Variants in RASEF observed in about 807,000 individuals in gnomAD.
RASEF encodes the protein RAS and EF-hand domain containing.
A neutral mutation model predicts 90.1 loss-of-function variants in RASEF; 68 were observed. That is an observed-to-expected ratio of 0.75 (90% CI 0.62 to 0.92). The LOEUF is 0.92. Among genes scored for constraint, RASEF ranks in the 40% least tolerant of loss-of-function variants. The pLI is 0.00. For missense variants in RASEF, 949 were observed against 937.2 expected, an observed-to-expected ratio of 1.01 and a Z score of -0.16; for synonymous variants, 331 against 345.2, an observed-to-expected ratio of 0.96 and a Z score of 0.46.
In RASEF at chr9:83,004,479, T is replaced by C. The variant is rs1302594521; in HGVS notation, c.1202+19A>G. On this transcript the variant is annotated intron_variant, in intron 9 of 16. Transcript: ENST00000376447. ...TGTGATTCTGAACTTGAACAGAAAGTTAAGACGAGTTAACATACCTGTCAT... is the reference window on the plus strand; with the variant it reads ...TGTGATTCTGAACTTGAACAGAAAGCTAAGACGAGTTAACATACCTGTCAT... The C allele has an allele frequency of 1.4e-6, 2 of 1,471,934 alleles. No homozygotes were observed. Among genetic ancestry groups the C allele is most frequent in the Admixed American group, 1.7e-5 (1 of 59,724 alleles). 91.2% of individuals were successfully genotyped at this position (1,471,934 alleles called of 1,614,324 possible).
At chr9:82,997,158 T>C in intron 13 of RASEF, 32 bp from the exon 14 acceptor site, 1 of 1,322,864 alleles carries the variant, frequency 7.6e-7, no homozygotes, top group Middle Eastern at 1.8e-4. Flanking sequence ...CATCAGTCAG[T>C]TTGTGTTGCC....
At chr9:82,990,609 T>TTCC in intron 15 of RASEF, 142 bp from the exon 16 acceptor site, 1 of 562,724 alleles carries the variant, frequency 1.8e-6, no homozygotes, top group Non-Finnish European at 3.1e-6. Flanking sequence ...GAATTCAGAG[T>TTCC]TCCAGTACTT....
chr9:83,135,257 A>G, the RASEF span, among the ~76,000 whole-genome samples: 1 of 152,142 alleles, frequency 6.6e-6, no homozygotes, highest in African/African-American at 2.4e-5. Flanking sequence ...ACAAAAAACC[A>G]AACACTGCAT....
the RASEF span, among the ~76,000 whole-genome samples, chr9:83,123,997 T>C: frequency 6.6e-6 from 1 of 152,212 alleles, no homozygotes; most frequent in East Asian, 1.9e-4. Flanking sequence ...CTACTTTTTG[T>C]CTTATGAATT....
intron 1 of RASEF, 77 bp downstream of exon 1, chr9:83,062,360 T>C (rs891134230): frequency 2.5e-5 from 36 of 1,455,042 alleles, no homozygotes; most frequent in Non-Finnish European, 3.3e-5. Context: ...CCATTGGGTC[T>C]GCACACCTGC....
chr9:83,038,493 G>A (rs1163780787), intron 1 of RASEF, among the ~76,000 whole-genome samples: 4 of 151,960 alleles, frequency 2.6e-5, no homozygotes, highest in East Asian at 3.9e-4. Context: ...TTAAGAATAC[G>A]ACCACATTGA....
At chr9:83,200,840 C>G in the RASEF span, 119,042 of 152,102 alleles carry the variant, frequency 0.78, 47,418 homozygotes, top group East Asian at 0.96. Flanking sequence ...CTCAGATTAC[C>G]AAGGAAACAA....
intron 15 of RASEF, 34 bp from the exon 16 acceptor site, chr9:82,990,501 C>A (rs1828793046): frequency 6.8e-7 from 1 of 1,463,594 alleles, no homozygotes; most frequent in Non-Finnish European, 9.5e-7. Context: ...TTAAATGAAG[C>A]CCTTCATTGA....
chr9:83,059,011 G>C (rs1458459216), intron 1 of RASEF, among the ~76,000 whole-genome samples: 1 of 152,086 alleles, frequency 6.6e-6, no homozygotes, highest in African/African-American at 2.4e-5. Context: ...ACCTGAGGCT[G>C]TCCCTCCTTT....
At chr9:83,029,316 C>T (rs541273833) in intron 1 of RASEF, among the ~76,000 whole-genome samples, 46 of 151,948 alleles carry the variant, frequency 3.0e-4, no homozygotes, top group Middle Eastern at 6.9e-3. Context: ...ACGTAAGGTA[C>T]ACATTAACTC....
At chr9:83,131,663 T>C in the RASEF span, among the ~76,000 whole-genome samples, 11 of 152,306 alleles carry the variant, frequency 7.2e-5, no homozygotes, top group South Asian at 6.2e-4. Context: ...CCAGTCTAGC[T>C]ATATAAATGC....
chr9:83,033,513 G>A (rs1043479132), intron 1 of RASEF, among the ~76,000 whole-genome samples: 1 of 152,194 alleles, frequency 6.6e-6, no homozygotes, highest in Non-Finnish European at 1.5e-5. Flanking sequence ...CAGGAGAGCT[G>A]GAGCTGGAGA....
At chr9:83,177,206 T>C in the RASEF span, among the ~76,000 whole-genome samples, 1 of 152,178 alleles carries the variant, frequency 6.6e-6, no homozygotes, top group Non-Finnish European at 1.5e-5. Context: ...TTTACCAGTG[T>C]TCTTTATTTG....
intron 9 of RASEF, 109 bp from the exon 10 acceptor site, chr9:83,001,239 A>C: frequency 5.6e-6 from 4 of 717,708 alleles, no homozygotes; most frequent in Non-Finnish European, 7.1e-6. Flanking sequence ...GACTGTGGCT[A>C]AGAGCCGCAG....
At chr9:83,145,320 C>T in the RASEF span, among the ~76,000 whole-genome samples, 2 of 152,150 alleles carry the variant, frequency 1.3e-5, no homozygotes, top group East Asian at 1.9e-4. Context: ...GCCCAGATCC[C>T]CCATCCAGGG....
intron 1 of RASEF, among the ~76,000 whole-genome samples, chr9:83,049,603 A>T (rs1210267097): frequency 7.4e-6 from 1 of 136,004 alleles, no homozygotes; most frequent in South Asian, 2.4e-4. Flanking sequence ...GGTTAGTTAC[A>T]TATGTATACA....
At chr9:83,053,011 G>A (rs1830047218) in intron 1 of RASEF, among the ~76,000 whole-genome samples, 1 of 108,930 alleles carries the variant, frequency 9.2e-6, no homozygotes, top group South Asian at 3.8e-4. Flanking sequence ...TGAAAAAAAT[G>A]TATATTCTGT....
chr9:83,175,741 C>A, the RASEF span, among the ~76,000 whole-genome samples: 1 of 151,972 alleles, frequency 6.6e-6, no homozygotes, highest in Non-Finnish European at 1.5e-5. Flanking sequence ...CTGCCATGCC[C>A]GGCTAATTTT....
chr9:83,192,952 G>T, the RASEF span, among the ~76,000 whole-genome samples: 3 of 152,300 alleles, frequency 2.0e-5, no homozygotes, highest in African/African-American at 7.2e-5. Flanking sequence ...TGGCCAATGT[G>T]CCCAGGATTC....
Sources: allele counts gnomAD v4.1 joint callset (sites outside exome capture counted in the v4.1 genomes callset), GRCh38; gene constraint gnomAD v4.1.1; transcripts MANE v1.5; gene names NCBI Gene and HGNC (gene_info 2026-07-23, HGNC 2026-07-21).